The following DNAJC13 variants were observed in gnomAD, a reference collection of about 807,000 sequenced individuals.
The protein encoded by DNAJC13 is DnaJ heat shock protein family (Hsp40) member C13, also known as dnaJ homolog subfamily C member 13.
In DNAJC13, 75 loss-of-function variants were observed where a neutral mutation model predicts 290.5. The ratio of observed to expected loss-of-function variants is 0.26; its 90% CI spans 0.21 to 0.31. The LOEUF (loss-of-function observed/expected upper bound fraction) is 0.31, where lower values mean the gene tolerates loss of function less well. Ranked by LOEUF, DNAJC13 falls within the 10% of genes least tolerant of loss-of-function variation. The pLI is 1.00. For synonymous variants in DNAJC13, 862 were observed against 892.0 expected (o/e 0.97, Z 0.60); for missense variants, 2,260 against 2,674.5 (o/e 0.85, Z 3.42).
intron 3 of DNAJC13, among the ~76,000 whole-genome samples, 186 bp from the exon 4 acceptor site, chr3:132,447,135 T>C (rs1164457399): frequency 6.6e-6 from 1 of 152,150 alleles, no homozygotes; most frequent in African/African-American, 2.4e-5. Context: ...GGAATACATA[T>C]TGGATTTTTC....
chr3:132,473,088 G>T, intron 20 of DNAJC13, 57 bp from the exon 21 acceptor site: 1 of 1,175,360 alleles, frequency 8.5e-7, no homozygotes, highest in South Asian at 1.3e-5. Context: ...ATGATCTTCT[G>T]ACTAAGCCTA....
chr3:132,502,093 T>A (rs990366878), intron 39 of DNAJC13, among the ~76,000 whole-genome samples, 196 bp from the exon 40 acceptor site: 3 of 152,200 alleles, frequency 2.0e-5, no homozygotes, highest in Admixed American at 2.0e-4. Flanking sequence ...TATCTCGTCA[T>A]GAGGTCACTT....
rs752011139 is a variant in DNAJC13, at chr3:132,467,154, C to T, written c.2065-16C>T. 1.2e-6 allele frequency: 2 copies of T among 1,604,460 alleles called. No homozygotes were observed. The highest frequency in any genetic ancestry group is 1.7e-5 in the Admixed American group (1 of 58,042). ...TTGCAAACAGGCATGTAATGGATTC[C>T]AACATTATTTTACAGGATCAGTATG... is the stretch of plus-strand genomic sequence containing the variant. On this transcript the variant is annotated splice_polypyrimidine_tract_variant and intron_variant, in intron 19 of 55. Coordinates refer to ENST00000260818, the MANE Select transcript of DNAJC13 (RefSeq NM_015268.4).
rs767933145 is a variant in DNAJC13 at position 132,447,307 on chromosome 3, T to A, written c.145-14T>A. On this transcript the variant is annotated splice_polypyrimidine_tract_variant and intron_variant, in intron 3 of 55. Coordinates refer to ENST00000260818, the MANE Select transcript of DNAJC13 (RefSeq NM_015268.4). ...TATTATAGTAGCACCAGTCAAAATT[T>A]TTTTTTTTTTAAGTGGCCTTATGGA... 1.3e-6 allele frequency: 2 copies of A among 1,538,858 alleles called. No homozygotes were observed. The highest frequency in any genetic ancestry group is 2.8e-5 in the African/African-American group (2 of 70,284).
chr3:132,467,235 A>C lies in DNAJC13; in HGVS notation c.2130A>C (p.Glu710Asp). The change falls in exon 20 of 56, where the codon GAA becomes GAC. Residue 710 changes from glutamate to aspartate, a missense_variant. Around this residue, in one of 3 missense-constraint regions of DNAJC13, gnomAD observed 762 missense variants for 964.1 expected, o/e 0.79. Coordinates refer to ENST00000260818, the MANE Select transcript of DNAJC13 (RefSeq NM_015268.4). ...WQRLAGKAAKEVEKFAKEKVD... is the reference protein window; with the variant it reads ...WQRLAGKAAKDVEKFAKEKVD... ...GACTAGCTGGAAAAGCTGCTAAAGAAGTTGAAAAATTTGCCAAAGAAAAAG... is the reference window on the plus strand; with the variant it reads ...GACTAGCTGGAAAAGCTGCTAAAGACGTTGAAAAATTTGCCAAAGAAAAAG... The C allele has an allele frequency of 6.2e-7, 1 of 1,614,040 alleles. No individual in the cohort carries two copies. The highest frequency in any genetic ancestry group is 1.1e-5 in the South Asian group (1 of 91,076).
Position 132,471,421 on chromosome 3 carries a change from C to T in DNAJC13, c.2209-1724C>T, listed in dbSNP as rs202162766. ...CTCACTTCCCAGATGGGGTGGCTGC[C>T]GGGCGGAGAGGCTCCTCACTTCTCA... is the stretch of plus-strand genomic sequence containing the variant. On this transcript the variant is annotated intron_variant, in intron 20 of 55. Transcript: ENST00000260818. Among the ~76,000 whole-genome samples the T allele has an allele frequency of 8.2e-4, 119 of 144,384 alleles. 1 individual carries two copies. In the East Asian group the frequency reaches 0.02, roughly 24 times the overall value. The allele number at this position is 144,384 out of a possible 152,430, so 94.7% of individuals were successfully genotyped here.
At chr3:132,424,313 C>T (rs1291887698) in intron 1 of DNAJC13, among the ~76,000 whole-genome samples, 1 of 151,972 alleles carries the variant, frequency 6.6e-6, no homozygotes. Context: ...ACAAATTATT[C>T]CCCTCAGATG....
chr3:132,462,329 ACTTTGAGATGTATC>A, intron 15 of DNAJC13, 124 bp from the exon 16 acceptor site: 1 of 713,754 alleles, frequency 1.4e-6, no homozygotes, highest in Non-Finnish European at 2.3e-6. Flanking sequence ...AACCAAACTG[ACTTTGAGATGTATC>A]CTTTACTAAT....
In DNAJC13 at chr3:132,474,932, G is replaced by C. The variant is rs1418631019; in HGVS notation, c.2292G>C (p.Arg764Ser). The C allele has an allele frequency of 4.6e-6, 7 of 1,535,954 alleles. No homozygotes were observed. The highest frequency in any genetic ancestry group is 1.4e-5 in the African/African-American group (1 of 69,910). The change falls in exon 22 of 56, where the codon AGG becomes AGC. Residue 764 changes from arginine (R) to serine (S), a missense_variant and splice_region_variant. Around this residue, in one of 3 missense-constraint regions of DNAJC13, gnomAD observed 762 missense variants for 964.1 expected, o/e 0.79. Coordinates refer to ENST00000260818, the MANE Select transcript of DNAJC13 (RefSeq NM_015268.4). ...ATTTCCTCATTATATGTATGTCTAG[G>C]TTTGGTCAAGACCATGCCAGGTCAA... The part of the protein sequence containing the change: ...IEANWDLFYY[R>S]FGQDHARSNL...
chr3:132,512,946 T>A, intron 44 of DNAJC13, 62 bp from the exon 45 acceptor site: 1 of 1,380,474 alleles, frequency 7.2e-7, no homozygotes, highest in Non-Finnish European at 1.0e-6. Context: ...TATATCGGTT[T>A]TCTGAAGTTA....
intron 35 of DNAJC13, among the ~76,000 whole-genome samples, chr3:132,495,401 T>C (rs953297580): frequency 2.0e-5 from 3 of 152,174 alleles, no homozygotes; most frequent in African/African-American, 7.2e-5. Context: ...TGTCTCCTTA[T>C]CCATGTCTGT....
intron 24 of DNAJC13, 50 bp downstream of exon 24, chr3:132,478,190 T>G (rs1436957486): frequency 1.4e-6 from 2 of 1,471,648 alleles, no homozygotes; most frequent in Middle Eastern, 1.9e-4. Flanking sequence ...CACTAGGGTA[T>G]GTGTTAAATT....
intron 22 of DNAJC13, among the ~76,000 whole-genome samples, chr3:132,476,840 C>A (rs147095606): frequency 6.0e-4 from 92 of 152,298 alleles, no homozygotes; most frequent in Non-Finnish European, 1.1e-3. Flanking sequence ...TCTGGGTGGG[C>A]CTTCCCTGGA....
intron 1 of DNAJC13, among the ~76,000 whole-genome samples, chr3:132,419,777 A>G (rs974000532): frequency 6.6e-6 from 1 of 152,238 alleles, no homozygotes; most frequent in Non-Finnish European, 1.5e-5. Context: ...ACTGTAAAAC[A>G]TGGCAGTAGT....
intron 8 of DNAJC13, among the ~76,000 whole-genome samples, 163 bp from the exon 9 acceptor site, chr3:132,453,903 A>C (rs997039970): frequency 4.6e-5 from 7 of 152,222 alleles, no homozygotes; most frequent in Non-Finnish European, 8.8e-5. Context: ...GGAACTTATT[A>C]CTCAACTGAA....
intron 13 of DNAJC13, chr3:132,458,499 A>G (rs987190644): frequency 9.9e-5 from 15 of 152,134 alleles, no homozygotes; most frequent in African/African-American, 3.4e-4. Flanking sequence ...AGGCTCCCCT[A>G]TCAGGAAATT....
chr3:132,514,247 C>T (rs1935856928), intron 45 of DNAJC13, among the ~76,000 whole-genome samples: 1 of 152,034 alleles, frequency 6.6e-6, no homozygotes, highest in African/African-American at 2.4e-5. Flanking sequence ...TGCTTTTTTC[C>T]TCTAAAAGTA....
At chr3:132,428,984 C>T (rs962608305) in intron 1 of DNAJC13, among the ~76,000 whole-genome samples, 5 of 151,388 alleles carry the variant, frequency 3.3e-5, no homozygotes, top group Admixed American at 2.0e-4. Flanking sequence ...TTGTCCACCT[C>T]GGCCTCCCAA....
At chr3:132,501,032 T>G (rs1935391470) in intron 39 of DNAJC13, 119 bp downstream of exon 39, 1 of 1,299,740 alleles carries the variant, frequency 7.7e-7, no homozygotes, top group African/African-American at 1.5e-5. Context: ...TAAAATTATT[T>G]GGATTTCTAA....
Sources: allele counts gnomAD v4.1 joint callset (sites outside exome capture counted in the v4.1 genomes callset), GRCh38; gene constraint gnomAD v4.1.1; regional missense constraint gnomAD v4.1.1; transcripts MANE v1.5; gene names NCBI Gene and HGNC (gene_info 2026-07-23, HGNC 2026-07-21).